GALNT11: variants seen among roughly 807,000 people sequenced by gnomAD.
The protein encoded by GALNT11 is polypeptide N-acetylgalactosaminyltransferase 11, also known as UDP-GalNAc:polypeptide N-acetylgalactosaminyltransferase 11.
GALNT11 carries 47 observed loss-of-function variants against 72.7 expected under a neutral mutation model. That is an observed-to-expected ratio of 0.65 (90% CI 0.51 to 0.82). The LOEUF (loss-of-function observed/expected upper bound fraction) is 0.82. GALNT11 is among the 40% of genes least tolerant of loss of function. The pLI is 0.00. For missense variants in GALNT11, 677 were observed against 778.4 expected (o/e 0.87, Z 1.55); for synonymous variants, 270 against 286.6 (o/e 0.94, Z 0.58).
At chr7:152,072,580 A>G (rs1336218626) in intron 1 of GALNT11, among the ~76,000 whole-genome samples, 2 of 152,238 alleles carry the variant, frequency 1.3e-5, no homozygotes, top group Non-Finnish European at 2.9e-5. Context: ...TAGTCAAATT[A>G]TTCGTGCTGA....
In GALNT11 at chr7:152,113,159, A is replaced by T. The variant is rs1190144489; in HGVS notation, c.1081-87A>T. On this transcript the variant is annotated intron_variant, in intron 7 of 11. Transcript: ENST00000430044. ...TGCCAAGTTTCATAAACACCTATTG[A>T]ATAAAGATTAATTTCATTGAAAATT... is the stretch of plus-strand genomic sequence containing the variant. The T allele has an allele frequency of 2.1e-6, 3 of 1,411,648 alleles. No individual in the cohort carries two copies. In the African/African-American group the frequency reaches 4.3e-5, roughly 20 times the overall value. 87.4% of individuals were successfully genotyped at this position (1,411,648 alleles called of 1,614,324 possible). A position where few individuals can be genotyped will look rare whatever the true frequency, so the allele number is the denominator to read the frequency against.
intron 8 of GALNT11, among the ~76,000 whole-genome samples, chr7:152,116,209 C>G (rs1272714099): frequency 1.3e-5 from 2 of 152,172 alleles, no homozygotes; most frequent in African/African-American, 2.4e-5. Flanking sequence ...GGTGGAAGAT[C>G]CATTCAGAGA....
chr7:152,064,139 G>C (rs1025856104), intron 1 of GALNT11, among the ~76,000 whole-genome samples: 1 of 152,136 alleles, frequency 6.6e-6, no homozygotes, highest in South Asian at 2.1e-4. Context: ...GAATCTGGGT[G>C]CTCCTGTATT....
intron 7 of GALNT11, among the ~76,000 whole-genome samples, chr7:152,111,645 T>TATA (rs200988785): frequency 7.7e-6 from 1 of 129,416 alleles, no homozygotes; most frequent in African/African-American, 3.7e-5. Flanking sequence ...TATATATATA[T>TATA]TTTTTTAAAT....
At chr7:152,112,832 T>C (rs1587460784) in intron 7 of GALNT11, among the ~76,000 whole-genome samples, 1 of 152,074 alleles carries the variant, frequency 6.6e-6, no homozygotes, top group East Asian at 1.9e-4. Context: ...ATGCATTGTA[T>C]AAGCAAGTAC....
In GALNT11 at chr7:152,110,613, T is replaced by G. The variant is rs747630336; in HGVS notation, c.1048T>G (p.Trp350Gly). The G allele has an allele frequency of 6.2e-6, 10 of 1,612,384 alleles. No individual in the cohort carries two copies. The highest frequency in any genetic ancestry group is 8.5e-6 in the Non-Finnish European group (10 of 1,179,550). The change falls in exon 7 of 12, where the codon TGG becomes GGG. Residue 350 changes from tryptophan (W) to glycine (G), a missense_variant. Trp to Gly is a radical substitution (Grantham distance 184). Transcript: ENST00000430044. Reference sequence around the variant, plus strand: ...ACAGTATGATAGTGGCATGGATATCTGGGGAGGAGAAAATTTGGAAATATC... The same window carrying G: ...ACAGTATGATAGTGGCATGGATATCGGGGGAGGAGAAAATTTGGAAATATC... ...LGQYDSGMDI[W>G]GGENLEISFR...
intron 9 of GALNT11, chr7:152,118,354 T>C (rs2089087433): frequency 7.4e-6 from 2 of 270,248 alleles, no homozygotes; most frequent in Non-Finnish European, 1.4e-5. Context: ...CTGACTTCAT[T>C]TGAAGGTTCT....
chr7:152,121,955 GAATTTCTT>G lies in GALNT11; in HGVS notation c.*279_*286del. On this transcript the variant is annotated 3_prime_UTR_variant, in exon 12 of 12. Coordinates refer to ENST00000430044, the MANE Select transcript of GALNT11 (RefSeq NM_022087.4). ...AGGTGATGTTTGAGCTGCTGTTAAGGAATTTCTTGCTTATAGAGGCAAACCACAGTATC... is the reference window on the plus strand; with the variant it reads ...AGGTGATGTTTGAGCTGCTGTTAAGGGCTTATAGAGGCAAACCACAGTATC... 3.2e-6 allele frequency: 1 copy of G among 311,202 alleles called. No homozygotes were observed. The highest frequency in any genetic ancestry group is 2.1e-5 in the African/African-American group (1 of 46,928). The allele number at this position is 311,202 out of a possible 1,614,324, so 19.3% of individuals were successfully genotyped here. A position where few individuals can be genotyped will look rare whatever the true frequency, so the allele number is the denominator to read the frequency against.
At chr7:152,061,012 T>G (rs1052531551) in intron 1 of GALNT11, among the ~76,000 whole-genome samples, 8 of 152,314 alleles carry the variant, frequency 5.3e-5, no homozygotes, top group Non-Finnish European at 5.9e-5. Flanking sequence ...CTGGGTCAAA[T>G]GGTATTTCTA....
chr7:152,109,992 T>C (rs557718334), intron 6 of GALNT11, among the ~76,000 whole-genome samples: 2 of 152,236 alleles, frequency 1.3e-5, no homozygotes, highest in South Asian at 4.2e-4. Flanking sequence ...CATTTTAGGA[T>C]AGGTAGCAGA....
At chr7:152,040,272 T>C (rs1450524000) in intron 1 of GALNT11, among the ~76,000 whole-genome samples, 1 of 151,872 alleles carries the variant, frequency 6.6e-6, no homozygotes, top group African/African-American at 2.4e-5. Flanking sequence ...CACACATACA[T>C]GTACATAAAC....
chr7:152,094,429 G>C lies in GALNT11; in HGVS notation c.202G>C (p.Glu68Gln). The change falls in exon 2 of 12, where the codon GAG (glutamate) becomes CAG (glutamine). Residue 68 changes from glutamate to glutamine, a missense_variant. By Grantham distance (29) the Glu-to-Gln change is conservative. Transcript: ENST00000430044. This position sits in a 1 kb window ranked among gnomAD's most constrained non-coding sequence, Gnocchi z 4.3. ...CACTCGAGGCCCAAGTCGAGTGCTCGAGCCACAGTTCAAAGCAAACAAAAT... is the reference window on the plus strand; with the variant it reads ...CACTCGAGGCCCAAGTCGAGTGCTCCAGCCACAGTTCAAAGCAAACAAAAT... ...RFTRGPSRVL[E>Q]PQFKANKIDD... is the part of the protein sequence containing the mutation. The C allele has an allele frequency of 1.2e-6, 2 of 1,614,116 alleles. No homozygotes were observed. Among genetic ancestry groups the C allele is most frequent in the South Asian group, 2.2e-5 (2 of 91,084 alleles).
At chr7:152,049,929 G>A (rs569170089) in intron 1 of GALNT11, among the ~76,000 whole-genome samples, 37 of 152,208 alleles carry the variant, frequency 2.4e-4, no homozygotes, top group African/African-American at 8.7e-4. Flanking sequence ...GCTACTGCCA[G>A]TGTTCATTCA....
chr7:152,065,558 C>G lies in GALNT11; in HGVS notation c.-38-28632C>G, dbSNP rs187951223. On this transcript the variant is annotated intron_variant, in intron 1 of 11. Coordinates refer to ENST00000430044, the MANE Select transcript of GALNT11 (RefSeq NM_022087.4). ...TTTCAGCTTTTCTGCTGTGTTTTTC[C>G]TATCTTTGTGGTTTTATCTACCTAT... 3.3e-5 allele frequency among the ~76,000 whole-genome samples: 5 copies of G among 152,264 alleles called. No individual in the cohort carries two copies. The East Asian group carries it at 9.6e-4, about 29-fold the overall frequency.
At chr7:152,098,810 G>A (rs1033005026) in intron 2 of GALNT11, among the ~76,000 whole-genome samples, 10 of 152,168 alleles carry the variant, frequency 6.6e-5, no homozygotes, top group African/African-American at 2.4e-4. Flanking sequence ...AAATGCTAGT[G>A]GAGGTTTGTT....
In GALNT11 at chr7:152,108,185, C is replaced by G; in HGVS notation, c.860C>G (p.Ser287Cys). 6.2e-7 allele frequency: 1 copy of G among 1,614,164 alleles called. No individual in the cohort carries two copies. Among genetic ancestry groups the G allele is most frequent in the Non-Finnish European group, 8.5e-7 (1 of 1,180,040 alleles). Residue 287 changes from serine (S) to cysteine (C), a missense_variant, in exon 6 of 12, where the codon TCC becomes TGC. By Grantham distance (112) the Ser-to-Cys change is moderately radical. Transcript: ENST00000430044. ...ISADTLAYSS[S>C]PVVRGGFNWG... ...GCCGACACGCTGGCCTACAGCTCGT[C>G]CCCTGTCGTCCGCGGAGGGTTCAAC...
chr7:152,042,919 T>C (rs973953330), intron 1 of GALNT11, among the ~76,000 whole-genome samples: 2 of 152,214 alleles, frequency 1.3e-5, no homozygotes, highest in African/African-American at 2.4e-5. Flanking sequence ...AGACGGCCAG[T>C]GCTGTAGAGA....
intron 1 of GALNT11, among the ~76,000 whole-genome samples, chr7:152,047,302 C>T (rs1334111303): frequency 6.6e-6 from 1 of 152,104 alleles, no homozygotes; most frequent in African/African-American, 2.4e-5. Context: ...GAAACCCTAT[C>T]TCTACTAAAA....
chr7:152,048,205 C>T (rs1027233626), intron 1 of GALNT11, among the ~76,000 whole-genome samples: 4 of 151,780 alleles, frequency 2.6e-5, no homozygotes, highest in Admixed American at 6.6e-5. Context: ...TTTTTTCCTT[C>T]GGCACTTTAA....
Sources: gnomAD v4.1 joint callset for allele counts (sites outside exome capture counted in the v4.1 genomes callset) on GRCh38, gnomAD v4.1.1 for gene constraint, Gnocchi (gnomAD v3.1) non-coding constraint, MANE v1.5 for transcripts, NCBI Gene and HGNC (gene_info 2026-07-23, HGNC 2026-07-21) for gene names.